Variants in AGL observed in about 807,000 individuals in gnomAD.
AGL encodes the protein glycogen debranching enzyme.
AGL carries 128 observed loss-of-function variants against 199.3 expected under a neutral mutation model. That is an observed-to-expected ratio of 0.64 (90% CI 0.56 to 0.74). AGL has a LOEUF of 0.74. AGL is among the 30% of genes least tolerant of loss of function. The pLI, the probability that AGL is intolerant of heterozygous loss-of-function variation, is 0.00. For missense variants in AGL, 1,809 were observed against 1,820.8 expected (o/e 0.99, Z 0.12); for synonymous variants, 584 against 594.7 (o/e 0.98, Z 0.26).
rs146493448 is a variant in AGL at position 99,876,595 on chromosome 1, C to T, written c.1421C>T (p.Pro474Leu). The T allele has an allele frequency of 2.3e-5, 37 of 1,613,746 alleles. No homozygotes were observed. Among genetic ancestry groups the T allele is most frequent in the African/African-American group, 8.0e-5 (6 of 74,858 alleles). ...GDDPLRNFAE[P>L]GSEVYLRREL... ...GATCCTCTTCGAAACTTTGCTGAAC[C>T]GGGTATGTAATTTTTAACTTCTCTG... is the stretch of plus-strand genomic sequence containing the variant. The change falls in exon 11 of 34, where the codon CCG becomes CTG. Residue 474 changes from proline (P) to leucine (L), a missense_variant and splice_region_variant. Transcript: ENST00000361915.
At chr1:99,869,946 A>G (rs1057023882) in intron 5 of AGL, among the ~76,000 whole-genome samples, 3 of 152,238 alleles carry the variant, frequency 2.0e-5, no homozygotes, top group African/African-American at 7.2e-5. Context: ...GTGCCTGGCC[A>G]AAACAAATTA....
chr1:99,864,271 AT>A, intron 4 of AGL, 114 bp from the exon 5 acceptor site: 2 of 953,768 alleles, frequency 2.1e-6, no homozygotes, highest in South Asian at 2.8e-5. Flanking sequence ...TTCCAGTAGC[AT>A]GCTTGCCTTG....
chr1:99,910,039 C>CTA (rs2100846962), intron 27 of AGL, among the ~76,000 whole-genome samples: 1 of 152,216 alleles, frequency 6.6e-6, no homozygotes, highest in South Asian at 2.1e-4. Flanking sequence ...AGTTATCTTA[C>CTA]TATATATGTC....
chr1:99,911,698 C>T (rs1298068184), intron 28 of AGL, among the ~76,000 whole-genome samples: 1 of 152,228 alleles, frequency 6.6e-6, no homozygotes, highest in Non-Finnish European at 1.5e-5. Context: ...CCACCTCAGC[C>T]TCCCAAAGTG....
At chr1:99,902,936 G>A in intron 27 of AGL, 142 bp downstream of exon 27, 1 of 650,818 alleles carries the variant, frequency 1.5e-6, no homozygotes, top group East Asian at 3.0e-5. Flanking sequence ...ATCTCACCAA[G>A]TTTTTAGTTT....
intron 5 of AGL, among the ~76,000 whole-genome samples, chr1:99,869,239 A>G (rs556386684): frequency 2.0e-5 from 3 of 152,216 alleles, no homozygotes; most frequent in Admixed American, 6.5e-5. Context: ...TCTCGGAGGA[A>G]CTACTTAATG....
chr1:99,912,102 A>G (rs970789226), intron 28 of AGL, among the ~76,000 whole-genome samples: 2 of 152,050 alleles, frequency 1.3e-5, no homozygotes, highest in Non-Finnish European at 2.9e-5. Flanking sequence ...TCTTTTCTCT[A>G]GTACCTTATC....
intron 33 of AGL, among the ~76,000 whole-genome samples, chr1:99,918,159 T>G (rs1273165162): frequency 6.6e-6 from 1 of 152,232 alleles, no homozygotes; most frequent in Admixed American, 6.5e-5. Context: ...TTTCACTATG[T>G]ATAGAATTCA....
intron 2 of AGL, among the ~76,000 whole-genome samples, chr1:99,854,612 A>G (rs113919251): frequency 4.6e-5 from 7 of 151,892 alleles, no homozygotes; most frequent in Admixed American, 1.3e-4. Flanking sequence ...AATACAAAAA[A>G]AATTAGCCGG....
intron 2 of AGL, 119 bp downstream of exon 2, chr1:99,851,243 T>C: frequency 1.1e-6 from 1 of 913,396 alleles, no homozygotes; most frequent in Non-Finnish European, 1.8e-6. Flanking sequence ...GTCTAAAACT[T>C]GATTTGTGCA....
Position 99,876,340 on chromosome 1 carries a change from G to A in AGL, c.1284-118G>A. The A allele has an allele frequency of 3.8e-6, 3 of 794,822 alleles. No homozygotes were observed. The East Asian group carries it at 8.1e-5, about 22-fold the overall frequency. 49.2% of individuals were successfully genotyped at this position (794,822 alleles called of 1,614,324 possible). On this transcript the variant is annotated intron_variant, in intron 10 of 33. Coordinates refer to ENST00000361915, the MANE Select transcript of AGL (RefSeq NM_000642.3). ...TATTGAAGTTTTTTTCCTATAAATA[G>A]CATCAAACTTATTTTATTCTATTCA... is the stretch of plus-strand genomic sequence containing the variant.
intron 5 of AGL, among the ~76,000 whole-genome samples, chr1:99,869,884 T>C (rs1161169898): frequency 1.3e-5 from 2 of 152,180 alleles, no homozygotes; most frequent in Non-Finnish European, 2.9e-5. Flanking sequence ...GGTCTTGAAC[T>C]CCTGCAGGCT....
chr1:99,883,346 A>G (rs1652199658), intron 17 of AGL, among the ~76,000 whole-genome samples: 2 of 152,112 alleles, frequency 1.3e-5, no homozygotes, highest in Non-Finnish European at 2.9e-5. Flanking sequence ...CTAGGTATAT[A>G]TCTGGGAAAC....
chr1:99,876,929 A>G (rs1158497776), intron 11 of AGL, among the ~76,000 whole-genome samples: 1 of 152,210 alleles, frequency 6.6e-6, no homozygotes, highest in Non-Finnish European at 1.5e-5. Context: ...AACCACTGCT[A>G]TTACAATTAC....
chr1:99,913,575 A>T lies in AGL; in HGVS notation c.3998A>T (p.Asp1333Val). The change falls in exon 30 of 34, where the codon GAC becomes GTC. Residue 1333 changes from aspartate to valine, a missense_variant. Asp to Val is a radical substitution (Grantham distance 152, BLOSUM62 -3). Coordinates refer to ENST00000361915, the MANE Select transcript of AGL (RefSeq NM_000642.3). ...SYDEWNRKIQ[D>V]NFEKLFHVSE... ...GATGAGTGGAACAGAAAAATACAAG[A>T]CAACTTTGAAAAGCTATTTCATGTT... is the stretch of plus-strand genomic sequence containing the variant. 1.2e-6 allele frequency: 2 copies of T among 1,614,044 alleles called. No individual in the cohort carries two copies. The highest frequency in any genetic ancestry group is 1.7e-6 in the Non-Finnish European group (2 of 1,179,978).
In AGL at chr1:99,851,026, A is replaced by ATC; in HGVS notation, c.-16_-15dup. ...TTTTAATTCTTATGAAAGATTTCAAATCCTCTAGAAGCCAAAATGGGACAC... is the reference window on the plus strand; with the variant it reads ...TTTTAATTCTTATGAAAGATTTCAAATCTCCTCTAGAAGCCAAAATGGGACAC... On this transcript the variant is annotated 5_prime_UTR_variant, in exon 2 of 34. Coordinates refer to ENST00000361915, the MANE Select transcript of AGL (RefSeq NM_000642.3). 1 of 1,605,126 alleles carries ATC rather than the reference A, an allele frequency of 6.2e-7. No homozygotes were observed. Among genetic ancestry groups the ATC allele is most frequent in the Non-Finnish European group, 8.5e-7 (1 of 1,171,856 alleles).
At position 99,914,045 on chromosome 1, in the gene AGL, G is replaced by A. The variant is rs115153673; in HGVS notation, c.4161+307G>A. ...AGATGCAGTGGCTCACACACTTGGCGGACTGAGGCAGGAGGATCACTTCAG... is the reference window on the plus strand; with the variant it reads ...AGATGCAGTGGCTCACACACTTGGCAGACTGAGGCAGGAGGATCACTTCAG... On this transcript the variant is annotated intron_variant, in intron 30 of 33. Coordinates refer to ENST00000361915, the MANE Select transcript of AGL (RefSeq NM_000642.3). 2.9e-3 allele frequency among the ~76,000 whole-genome samples: 448 copies of A among 152,146 alleles called. 3 individuals carry two copies. Among genetic ancestry groups the A allele is most frequent in the African/African-American group, 0.01 (434 of 41,512 alleles).
chr1:99,869,731 T>C (rs116628580), intron 5 of AGL, among the ~76,000 whole-genome samples: 2,306 of 152,376 alleles, frequency 0.015, 33 homozygotes, highest in Middle Eastern at 0.088. Flanking sequence ...ACTCATGCTC[T>C]TCAATATGAA....
At position 99,907,693 on chromosome 1, in the gene AGL, G is replaced by GTTTTTTTTGTTTTTT. The variant is rs148390359; in HGVS notation, c.3701-3010_3701-3009insTTTTTTTTTTTTTTG. 1.3e-4 allele frequency among the ~76,000 whole-genome samples: 15 copies of GTTTTTTTTGTTTTTT among 118,970 alleles called. 1 individual carries two copies. The highest frequency in any genetic ancestry group is 2.6e-4 in the South Asian group (1 of 3,798). The allele number at this position is 118,970 out of a possible 152,430, so 78.0% of individuals were successfully genotyped here. ...TTTTGTTCGTTTGTTTTTGTTTTTT[G>GTTTTTTTTGTTTTTT]TTTTTTTTGCTAGTAGCCATCCTAA... On this transcript the variant is annotated intron_variant, in intron 27 of 33. Coordinates refer to ENST00000361915, the MANE Select transcript of AGL (RefSeq NM_000642.3).
Sources: allele counts gnomAD v4.1 joint callset (sites outside exome capture counted in the v4.1 genomes callset), GRCh38; gene constraint gnomAD v4.1.1; transcripts MANE v1.5; gene names NCBI Gene and HGNC (gene_info 2026-07-23, HGNC 2026-07-21).